The following AFF3 variants were observed in gnomAD, a reference collection of about 807,000 sequenced individuals.
AFF3 encodes the protein ALF transcription elongation factor 3, also known as AF4/FMR2 family member 3.
Under a neutral mutation model 129.7 loss-of-function variants are expected in AFF3, and 32 were observed. That is an observed-to-expected ratio of 0.25 (90% confidence interval 0.19 to 0.33). The LOEUF (loss-of-function observed/expected upper bound fraction) is 0.33. Among genes scored for constraint, AFF3 ranks in the 10% least tolerant of loss-of-function variants. The pLI, the probability that AFF3 is intolerant of heterozygous loss-of-function variation, is 1.00. For synonymous variants in AFF3, 644 were observed against 635.4 expected (o/e 1.01, Z -0.20); for missense variants, 1,373 against 1,592.0 (o/e 0.86, Z 2.34).
intron 13 of AFF3, among the ~76,000 whole-genome samples, chr2:99,614,078 G>A (rs963022108): frequency 6.6e-6 from 1 of 152,192 alleles, no homozygotes; most frequent in African/African-American, 2.4e-5. Flanking sequence ...TTTGGAAAAG[G>A]TGAGAGGAGG....
At chr2:99,837,851 G>T (rs1689010805) in intron 7 of AFF3, among the ~76,000 whole-genome samples, 1 of 152,126 alleles carries the variant, frequency 6.6e-6, no homozygotes, top group South Asian at 2.1e-4. Flanking sequence ...CACCTTGGGT[G>T]CCATTAACGT....
intron 7 of AFF3, among the ~76,000 whole-genome samples, chr2:99,886,688 A>G (rs569010626): frequency 9.2e-5 from 14 of 152,268 alleles, no homozygotes; most frequent in Non-Finnish European, 1.9e-4. Context: ...AAGTTTTATT[A>G]CCCAAACTGA....
chr2:99,718,690 T>G (rs921782993), intron 11 of AFF3, among the ~76,000 whole-genome samples: 2 of 152,178 alleles, frequency 1.3e-5, no homozygotes, highest in African/African-American at 4.8e-5. Context: ...GCTGTATTCC[T>G]GATCTTAGGA....
chr2:100,038,715 C>T (rs1024237097), intron 4 of AFF3, among the ~76,000 whole-genome samples: 5 of 148,398 alleles, frequency 3.4e-5, no homozygotes, highest in Non-Finnish European at 7.4e-5. Flanking sequence ...TATTTATTTT[C>T]TTCTTCTTCT....
chr2:99,638,428 AGC>A (rs1209605730), intron 13 of AFF3, among the ~76,000 whole-genome samples: 2 of 142,972 alleles, frequency 1.4e-5, no homozygotes, highest in East Asian at 4.1e-4. Context: ...CGCAGACTGC[AGC>A]GAGGCTGGGG....
At chr2:99,844,438 T>C (rs1041476961) in intron 7 of AFF3, among the ~76,000 whole-genome samples, 4 of 114,842 alleles carry the variant, frequency 3.5e-5, no homozygotes, top group Non-Finnish European at 4.0e-5. Flanking sequence ...TCTTTTCTTT[T>C]TTTTTTTTTT....
intron 7 of AFF3, among the ~76,000 whole-genome samples, chr2:99,873,168 A>G (rs1692010453): frequency 6.6e-6 from 1 of 152,178 alleles, no homozygotes; most frequent in South Asian, 2.1e-4. Context: ...GAAAGCACAT[A>G]CTCCACTGTT....
chr2:99,889,208 T>G (rs955230587), intron 7 of AFF3, among the ~76,000 whole-genome samples: 2 of 152,026 alleles, frequency 1.3e-5, no homozygotes, highest in Admixed American at 1.3e-4. Flanking sequence ...GGCGAGATCA[T>G]AGCTCACTGC....
At chr2:99,946,473 TAAAAAAAAA>T (rs55672296) in intron 7 of AFF3, among the ~76,000 whole-genome samples, 3 of 50,484 alleles carry the variant, frequency 5.9e-5, no homozygotes, top group African/African-American at 8.9e-5. Flanking sequence ...GACGCCATCT[TAAAAAAAAA>T]AAAAAAAAAA....
chr2:99,968,682 C>T (rs185895399), intron 7 of AFF3, among the ~76,000 whole-genome samples: 45 of 143,754 alleles, frequency 3.1e-4, no homozygotes, highest in South Asian at 2.8e-3. Flanking sequence ...TCAACATAGA[C>T]GAGAAACGAG....
At chr2:100,104,650 A>G in intron 3 of AFF3, 132 bp from the exon 4 acceptor site, 3 of 744,238 alleles carry the variant, frequency 4.0e-6, no homozygotes, top group Non-Finnish European at 4.8e-6. Flanking sequence ...GGCTGGCTGC[A>G]GCGGCCGGCG....
intron 10 of AFF3, among the ~76,000 whole-genome samples, chr2:99,742,441 CCA>C (rs1558806097): frequency 6.6e-6 from 1 of 152,162 alleles, no homozygotes; most frequent in Non-Finnish European, 1.5e-5. Context: ...GGGTTTTATA[CCA>C]CACAGGGATA....
chr2:99,563,048 T>C (rs988626078), intron 20 of AFF3, among the ~76,000 whole-genome samples: 6 of 151,516 alleles, frequency 4.0e-5, no homozygotes, highest in African/African-American at 1.5e-4. Flanking sequence ...ATTCTGCCCG[T>C]AGGGACAAAG....
chr2:99,556,185 T>G (rs1190828844), intron 22 of AFF3, among the ~76,000 whole-genome samples: 1 of 152,218 alleles, frequency 6.6e-6, no homozygotes, highest in African/African-American at 2.4e-5. Context: ...GACTCACGCC[T>G]GTAATCCCAG....
chr2:99,657,585 C>T (rs1489457291), intron 12 of AFF3, among the ~76,000 whole-genome samples: 2 of 152,182 alleles, frequency 1.3e-5, no homozygotes, highest in African/African-American at 4.8e-5. Flanking sequence ...GCCACGATCT[C>T]CAATCTAAGA....
intron 4 of AFF3, among the ~76,000 whole-genome samples, chr2:100,028,514 CATA>C (rs1446980025): frequency 1.3e-5 from 2 of 151,868 alleles, no homozygotes; most frequent in Non-Finnish European, 2.9e-5. Flanking sequence ...GGAAAAATCA[CATA>C]ATAATATAAA....
At chr2:99,741,390 C>T (rs377632526) in intron 10 of AFF3, among the ~76,000 whole-genome samples, 7 of 152,218 alleles carry the variant, frequency 4.6e-5, no homozygotes, top group East Asian at 3.9e-4. Context: ...ACAAAATCAA[C>T]GTACAAAAAT....
chr2:99,847,746 C>T (rs910548644), intron 7 of AFF3, among the ~76,000 whole-genome samples: 5 of 152,052 alleles, frequency 3.3e-5, no homozygotes, highest in African/African-American at 1.2e-4. Flanking sequence ...GACTGCTGAC[C>T]ACTGAATTTT....
chr2:99,609,382 C>T (rs116717762), intron 13 of AFF3, among the ~76,000 whole-genome samples: 71 of 152,212 alleles, frequency 4.7e-4, no homozygotes, highest in African/African-American at 1.6e-3. Context: ...CCTCACTCCC[C>T]TCCCACCTTT....
Sources: gnomAD v4.1 joint callset for allele counts (sites outside exome capture counted in the v4.1 genomes callset) on GRCh38, gnomAD v4.1.1 for gene constraint, MANE v1.5 for transcripts, NCBI Gene and HGNC (gene_info 2026-07-23, HGNC 2026-07-21) for gene names.